The following FAM89A variants were observed in gnomAD, a reference collection of about 807,000 sequenced individuals.
The protein encoded by FAM89A is protein FAM89A.
A neutral mutation model predicts 7.1 loss-of-function variants in FAM89A; 10 were observed. The ratio of observed to expected loss-of-function variants is 1.40; its 90% CI spans 0.86 to 2.38. FAM89A has a LOEUF of 2.38. FAM89A is among the 30% of genes most tolerant of loss of function. The pLI, the probability that FAM89A is intolerant of heterozygous loss-of-function variation, is 0.00. For missense variants in FAM89A, 276 were observed against 262.8 expected (o/e 1.05, Z -0.35); for synonymous variants, 157 against 129.3 (o/e 1.21, Z -1.45).
At chr1:231,023,394 C>A (rs1679913214) in intron 1 of FAM89A, among the ~76,000 whole-genome samples, 1 of 152,210 alleles carries the variant, frequency 6.6e-6, no homozygotes, top group Non-Finnish European at 1.5e-5. Flanking sequence ...CCCCTGACAG[C>A]ACAGGGCCTG....
At position 231,040,077 on chromosome 1, in the gene FAM89A, C is replaced by T. The variant is rs762049785; in HGVS notation, c.135G>A (p.Gly45=). 1.0e-5 allele frequency: 15 copies of T among 1,444,056 alleles called. No homozygotes were observed. Among genetic ancestry groups the T allele is most frequent in the South Asian group, 5.5e-5 (4 of 72,298 alleles). The allele number at this position is 1,444,056 out of a possible 1,614,324, so 89.5% of individuals were successfully genotyped here. ...LHSASGGGAS[G]GWRHLERLYA... ...ACAGCCGCTCCAGGTGCCGCCAGCCCCCAGACGCGCCGCCGCCCGACGCCG... is the reference window on the plus strand; with the variant it reads ...ACAGCCGCTCCAGGTGCCGCCAGCCTCCAGACGCGCCGCCGCCCGACGCCG... Residue 45 remains glycine, a synonymous_variant, in exon 1 of 2, where the codon GGG becomes GGA. Transcript: ENST00000366654.
intron 1 of FAM89A, among the ~76,000 whole-genome samples, chr1:231,032,069 T>C (rs1161747531): frequency 6.6e-6 from 1 of 152,238 alleles, no homozygotes; most frequent in Non-Finnish European, 1.5e-5. Flanking sequence ...TGATTCAATT[T>C]GGACTACTTT....
intron 1 of FAM89A, among the ~76,000 whole-genome samples, chr1:231,025,635 G>C (rs1679956900): frequency 6.6e-6 from 1 of 151,934 alleles, no homozygotes; most frequent in Non-Finnish European, 1.5e-5. Flanking sequence ...ATGTGTGTCT[G>C]TCAAGAGGGA....
intron 1 of FAM89A, among the ~76,000 whole-genome samples, chr1:231,028,219 A>G (rs1680006267): frequency 6.6e-6 from 1 of 152,130 alleles, no homozygotes; most frequent in Non-Finnish European, 1.5e-5. Flanking sequence ...TGCCCTGTAC[A>G]CAAGGTGTCC....
chr1:231,027,211 C>G lies in FAM89A; in HGVS notation c.292-7085G>C, dbSNP rs144243866. 2.0e-5 allele frequency among the ~76,000 whole-genome samples: 3 copies of G among 152,182 alleles called. No individual in the cohort carries two copies. In the East Asian group the frequency reaches 5.8e-4, roughly 30 times the overall value. On this transcript the variant is annotated intron_variant, in intron 1 of 1. Transcript: ENST00000366654. ...CTGACAGTGCCATTTCCAAGGTATTCCCAGGCCCACCGAGGTGATGCACCC... is the reference window on the plus strand; with the variant it reads ...CTGACAGTGCCATTTCCAAGGTATTGCCAGGCCCACCGAGGTGATGCACCC...
rs578141709 is a variant in FAM89A at position 231,038,387 on chromosome 1, C to T, written c.291+1534G>A. 2.6e-5 allele frequency among the ~76,000 whole-genome samples: 4 copies of T among 152,328 alleles called. 1 individual carries two copies. The South Asian group carries it at 8.3e-4, about 32-fold the overall frequency. ...CAAGACTCCAGAGCATGTTTATAAA[C>T]CACAGCTTCACAACAGGAGCGGCCC... On this transcript the variant is annotated intron_variant, in intron 1 of 1. Transcript: ENST00000366654.
chr1:231,032,328 C>T (rs1387639238), intron 1 of FAM89A, among the ~76,000 whole-genome samples: 1 of 26,896 alleles, frequency 3.7e-5, no homozygotes, highest in East Asian at 1.7e-3. Context: ...TATTACCAAA[C>T]TGCGCTCAAA....
rs1452809787 is a variant in FAM89A, at chr1:231,022,038, T to C, written c.292-1912A>G. ...TGCATGGACAGATATTCAGAGATCG[T>C]GCAGAATAGACGTCTCATCGTTTCC... On this transcript the variant is annotated intron_variant, in intron 1 of 1. Transcript: ENST00000366654. 4 of 1,405,104 alleles carry C rather than the reference T, an allele frequency of 2.8e-6. No homozygotes were observed. The East Asian group carries it at 6.8e-5, about 24-fold the overall frequency. The allele number at this position is 1,405,104 out of a possible 1,614,324, so 87.0% of individuals were successfully genotyped here. A position where few individuals can be genotyped will look rare whatever the true frequency, so the allele number is the denominator to read the frequency against.
intron 1 of FAM89A, among the ~76,000 whole-genome samples, chr1:231,022,560 A>G (rs1417692168): frequency 3.3e-5 from 5 of 152,122 alleles, no homozygotes; most frequent in African/African-American, 1.2e-4. Context: ...CCGGTCGACC[A>G]ATCTGCCTGC....
Position 231,040,092 on chromosome 1 carries a change from GC to G in FAM89A, c.119del (p.Gly40AlafsTer25). On this transcript the variant is annotated frameshift_variant, in exon 1 of 2. Coordinates refer to ENST00000366654, the MANE Select transcript of FAM89A (RefSeq NM_198552.3). LOFTEE classifies it high-confidence loss of function. ...GCCGCCAGCCCCCAGACGCGCCGCC[GC>G]CCGACGCCGAGTGCAGCAGCCCGCT... ...SLSGLLHSAS[G>X]GGASGGWRHL... 2 of 1,438,692 alleles carry G rather than the reference GC, an allele frequency of 1.4e-6. No homozygotes were observed. Among genetic ancestry groups the G allele is most frequent in the Non-Finnish European group, 1.8e-6 (2 of 1,096,776 alleles). The allele number at this position is 1,438,692 out of a possible 1,614,324, so 89.1% of individuals were successfully genotyped here.
At position 231,022,531 on chromosome 1, in the gene FAM89A, CT is replaced by C. The variant is rs147892308; in HGVS notation, c.292-2406del. Reference sequence around the variant, plus strand: ...GCCCCAGCTTTCCCGGGCACACCACCTTTTGTCCCAAGTGTCTGCCGGTCGA... The same window carrying C: ...GCCCCAGCTTTCCCGGGCACACCACCTTTGTCCCAAGTGTCTGCCGGTCGA... On this transcript the variant is annotated intron_variant, in intron 1 of 1. Transcript: ENST00000366654. 5.0e-3 allele frequency among the ~76,000 whole-genome samples: 767 copies of C among 152,288 alleles called. 11 individuals carry two copies. The highest frequency in any genetic ancestry group is 0.017 in the African/African-American group (724 of 41,566).
At chr1:231,021,881 T>A (rs35902766) in intron 1 of FAM89A, 28,575 of 1,575,926 alleles carry the variant, frequency 0.018, 309 homozygotes, top group Middle Eastern at 0.033. Context: ...TGCTGACAGC[T>A]GCATGGTGAG....
chr1:231,039,013 G>T (rs999306162), intron 1 of FAM89A, among the ~76,000 whole-genome samples: 3 of 152,216 alleles, frequency 2.0e-5, no homozygotes, highest in African/African-American at 7.2e-5. Flanking sequence ...GAGGTGATGG[G>T]GGCCAGTAAG....
Position 231,019,684 on chromosome 1 carries a change from C to T in FAM89A, c.*179G>A, listed in dbSNP as rs1335542311. The T allele has an allele frequency of 1.5e-6, 1 of 664,554 alleles. No individual in the cohort carries two copies. The highest frequency in any genetic ancestry group is 2.5e-6 in the Non-Finnish European group (1 of 397,530). The allele number at this position is 664,554 out of a possible 1,614,324, so 41.2% of individuals were successfully genotyped here. ...TAAGCAGAAACTGCTGCCATCAAAG[C>T]AGACTGCCACCATGCATCCGCGGAG... On this transcript the variant is annotated 3_prime_UTR_variant, in exon 2 of 2. Coordinates refer to ENST00000366654, the MANE Select transcript of FAM89A (RefSeq NM_198552.3).
chr1:231,027,036 C>T (rs1016710176), intron 1 of FAM89A: 1 of 152,104 alleles, frequency 6.6e-6, no homozygotes, highest in Non-Finnish European at 1.5e-5. Flanking sequence ...CAGTGGGCAC[C>T]CTGGTATCAG....
chr1:231,021,773 G>C, intron 1 of FAM89A: 1 of 1,602,952 alleles, frequency 6.2e-7, no homozygotes, highest in Non-Finnish European at 8.5e-7. Context: ...TGAATCTTTA[G>C]AGCCTGTGGT....
In FAM89A at chr1:231,019,930, G is replaced by A. The variant is rs143213224; in HGVS notation, c.488C>T (p.Pro163Leu). ...GACAGGCAGTGACAAGTCCCGAGGA[G>A]GGCCTCGGTCCCTCCTGTCGTGCAG... ...NSLHDRRDRG[P>L]PRDLSLPVSS... Residue 163 changes from proline (P) to leucine (L), a missense_variant, in exon 2 of 2, where the codon CCT becomes CTT. Physicochemically the swap from Pro to Leu is moderately conservative, Grantham distance 98. Transcript: ENST00000366654. The A allele has an allele frequency of 3.1e-6, 5 of 1,614,074 alleles. No homozygotes were observed. The highest frequency in any genetic ancestry group is 4.2e-6 in the Non-Finnish European group (5 of 1,180,048).
intron 1 of FAM89A, among the ~76,000 whole-genome samples, chr1:231,037,319 G>C (rs573200342): frequency 7.7e-4 from 118 of 152,288 alleles, no homozygotes; most frequent in African/African-American, 2.5e-3. Flanking sequence ...TACTAAAAGT[G>C]ATTATTTCTA....
intron 1 of FAM89A, among the ~76,000 whole-genome samples, chr1:231,037,535 A>C (rs1680178032): frequency 6.6e-6 from 1 of 151,540 alleles, no homozygotes; most frequent in African/African-American, 2.4e-5. Context: ...TCCCATGAAC[A>C]CCTCTCATCT....
Sources: allele counts gnomAD v4.1 joint callset (sites outside exome capture counted in the v4.1 genomes callset), GRCh38; gene constraint gnomAD v4.1.1; transcripts MANE v1.5; gene names NCBI Gene and HGNC (gene_info 2026-07-23, HGNC 2026-07-21).